The following USP6NL variants were observed in gnomAD, a reference collection of about 807,000 sequenced individuals.
USP6NL encodes the protein USP6 N-terminal like.
In USP6NL, 26 loss-of-function variants were observed where a neutral mutation model predicts 61.9. That is an observed-to-expected ratio of 0.42 (90% confidence interval 0.31 to 0.58). USP6NL has a LOEUF of 0.58. Ranked by LOEUF, USP6NL falls within the 20% of genes least tolerant of loss-of-function variation. USP6NL has a pLI of 0.16. For synonymous variants in USP6NL, 432 were observed against 390.1 expected, an observed-to-expected ratio of 1.11 and a Z score of -1.27; for missense variants, 1,114 against 1,034.3, an observed-to-expected ratio of 1.08 and a Z score of -1.06.
intron 2 of USP6NL, among the ~76,000 whole-genome samples, chr10:11,583,469 G>C (rs1186248380): frequency 6.6e-6 from 1 of 152,066 alleles, no homozygotes; most frequent in African/African-American, 2.4e-5. Flanking sequence ...GGGATTACAG[G>C]CGTGAGCCAC....
intron 1 of USP6NL, among the ~76,000 whole-genome samples, chr10:11,601,961 T>G (rs529980817): frequency 6.6e-6 from 1 of 152,108 alleles, no homozygotes; most frequent in Non-Finnish European, 1.5e-5. Flanking sequence ...AAGTTGCTAT[T>G]TAGTGAACTG....
At chr10:11,581,207 G>C (rs760576943) in intron 2 of USP6NL, among the ~76,000 whole-genome samples, 4 of 152,014 alleles carry the variant, frequency 2.6e-5, no homozygotes, top group Non-Finnish European at 5.9e-5. Flanking sequence ...ATCTGTCTTA[G>C]GTCCCACATA....
intron 5 of USP6NL, among the ~76,000 whole-genome samples, chr10:11,509,951 A>C (rs1241150465): frequency 6.6e-6 from 1 of 152,228 alleles, no homozygotes; most frequent in Non-Finnish European, 1.5e-5. Flanking sequence ...GTATTCTACA[A>C]ATTTAAACAA....
At chr10:11,576,827 C>T (rs1837563444) in intron 2 of USP6NL, among the ~76,000 whole-genome samples, 1 of 152,126 alleles carries the variant, frequency 6.6e-6, no homozygotes, top group Non-Finnish European at 1.5e-5. Flanking sequence ...GTCCTAGCTA[C>T]TTTTGGCTCT....
At position 11,463,511 on chromosome 10, in the gene USP6NL, T is replaced by C; in HGVS notation, c.1417A>G (p.Ser473Gly). 6.2e-7 allele frequency: 1 copy of C among 1,614,066 alleles called. No homozygotes were observed. The highest frequency in any genetic ancestry group is 8.5e-7 in the Non-Finnish European group (1 of 1,179,902). The part of the protein sequence containing the change: ...QYNHAAANQN[S>G]NATSNIRKEF... Reference sequence around the variant, plus strand: ...TTCCTGATATTTGAAGTGGCGTTGCTATTTTGGTTGGCAGCTGCGTGATTA... The same window carrying C: ...TTCCTGATATTTGAAGTGGCGTTGCCATTTTGGTTGGCAGCTGCGTGATTA... Residue 473 changes from serine to glycine, a missense_variant, in exon 15 of 15, where the codon AGC becomes GGC. Transcript: ENST00000609104. This position sits in a 1 kb window ranked among gnomAD's most constrained non-coding sequence, Gnocchi z 6.3.
At position 11,525,248 on chromosome 10, in the gene USP6NL, GA is replaced by G. The variant is rs1835369022; in HGVS notation, c.155+137del. Reference sequence around the variant, plus strand: ...CACAGAGTTGTTAAAAGAAACCTAGGAATTTAGTATCAAAACGCATATTGTA... The same window carrying G: ...CACAGAGTTGTTAAAAGAAACCTAGGATTTAGTATCAAAACGCATATTGTA... On this transcript the variant is annotated intron_variant, in intron 4 of 14. Transcript: ENST00000609104. The surrounding 1 kb of genome is among the most constrained non-coding windows in gnomAD (Gnocchi z 5.0). 1.7e-6 allele frequency: 1 copy of G among 592,956 alleles called. No homozygotes were observed. The highest frequency in any genetic ancestry group is 4.0e-5 in the Admixed American group (1 of 25,010). 36.7% of individuals were successfully genotyped at this position (592,956 alleles called of 1,614,324 possible).
In USP6NL at chr10:11,551,155, T is replaced by C. The variant is rs571991685; in HGVS notation, c.5-23588A>G. The stretch of plus-strand genomic sequence containing the variant: ...TATCTACGCAAAAGAAACAAAAACA[T>C]TTATTTATAAAAATTTTTATGTGAA... On this transcript the variant is annotated intron_variant, in intron 2 of 14. Transcript: ENST00000609104. Among the ~76,000 whole-genome samples the C allele has an allele frequency of 1.4e-4, 22 of 152,246 alleles. No individual in the cohort carries two copies. The East Asian group carries it at 4.0e-3, about 28-fold the overall frequency.
At chr10:11,594,227 T>G (rs1838248341) in intron 2 of USP6NL, among the ~76,000 whole-genome samples, 1 of 152,116 alleles carries the variant, frequency 6.6e-6, no homozygotes, top group Admixed American at 6.5e-5. Flanking sequence ...GGTACAGTAG[T>G]CTACTAAGGA....
rs1263036558 is a variant in USP6NL at position 11,597,620 on chromosome 10, A to C, written c.4+11T>G. 6.4e-7 allele frequency: 1 copy of C among 1,551,492 alleles called. No homozygotes were observed. Among genetic ancestry groups the C allele is most frequent in the African/African-American group, 1.4e-5 (1 of 73,046 alleles). On this transcript the variant is annotated intron_variant, in intron 2 of 14. Coordinates refer to ENST00000609104, the MANE Select transcript of USP6NL (RefSeq NM_014688.5). This position sits in a 1 kb window ranked among gnomAD's most constrained non-coding sequence, Gnocchi z 4.6. ...TGAGATGGCTGGAAGGAAAGGAAGC[A>C]GCGCACTTACTCATGACTGGAAATG...
chr10:11,531,169 G>GA (rs1835641615), intron 2 of USP6NL, among the ~76,000 whole-genome samples: 2 of 152,122 alleles, frequency 1.3e-5, no homozygotes, highest in African/African-American at 2.4e-5. Flanking sequence ...AGTTTATTTG[G>GA]AAAAATGTGG....
intron 1 of USP6NL, among the ~76,000 whole-genome samples, chr10:11,604,839 T>G (rs555773566): frequency 6.6e-6 from 1 of 152,258 alleles, no homozygotes; most frequent in African/African-American, 2.4e-5. Context: ...AAATAATAAC[T>G]AATAAAATAA....
chr10:11,551,390 T>G (rs1237061824), intron 2 of USP6NL, among the ~76,000 whole-genome samples: 4 of 152,240 alleles, frequency 2.6e-5, no homozygotes, highest in African/African-American at 9.6e-5. Flanking sequence ...AGAAAATGTA[T>G]GTTTGTTTAC....
intron 2 of USP6NL, among the ~76,000 whole-genome samples, chr10:11,530,017 G>A (rs753191211): frequency 3.2e-4 from 48 of 150,088 alleles, no homozygotes; most frequent in Non-Finnish European, 4.9e-4. Flanking sequence ...CAGGAGAATC[G>A]CTTGAGGCCG....
At position 11,474,935 on chromosome 10, in the gene USP6NL, T is replaced by C. The variant is rs1243780090; in HGVS notation, c.1078+6835A>G. On this transcript the variant is annotated intron_variant, in intron 14 of 14. Coordinates refer to ENST00000609104, the MANE Select transcript of USP6NL (RefSeq NM_014688.5). This position sits in a 1 kb window ranked among gnomAD's most constrained non-coding sequence, Gnocchi z 4.9. ...ACTAAGGAGTGTGGATGTTCTCCCG[T>C]AAGCACTGAAGTACCCCGAAGGCTA... Among the ~76,000 whole-genome samples the C allele has an allele frequency of 6.6e-6, 1 of 152,196 alleles. No individual in the cohort carries two copies. Among genetic ancestry groups the C allele is most frequent in the Non-Finnish European group, 1.5e-5 (1 of 68,024 alleles).
At chr10:11,579,777 C>T (rs1245517379) in intron 2 of USP6NL, among the ~76,000 whole-genome samples, 4 of 148,080 alleles carry the variant, frequency 2.7e-5, no homozygotes, top group Non-Finnish European at 6.0e-5. Flanking sequence ...TAGACTAGAT[C>T]TACAGTCTGC....
chr10:11,549,993 C>T (rs558414589), intron 2 of USP6NL, among the ~76,000 whole-genome samples: 63 of 152,306 alleles, frequency 4.1e-4, no homozygotes, highest in African/African-American at 1.5e-3. Flanking sequence ...AGCAAGATTT[C>T]ATAGGCTCAA....
intron 8 of USP6NL, among the ~76,000 whole-genome samples, chr10:11,492,740 T>C (rs552614720): frequency 5.9e-5 from 9 of 152,366 alleles, no homozygotes; most frequent in African/African-American, 1.2e-4. Context: ...TAATTTCTCA[T>C]TTCATGTCCC....
At chr10:11,560,355 G>A (rs1056058060) in intron 2 of USP6NL, among the ~76,000 whole-genome samples, 2 of 151,958 alleles carry the variant, frequency 1.3e-5, no homozygotes, top group Admixed American at 6.6e-5. Context: ...GGTACAGGAC[G>A]GCACCAAGAT....
rs535050884 is a variant in USP6NL, at chr10:11,485,526, A to C, written c.759+291T>G. ...GACCCTGAAAAAATATTTTTTGTAC[A>C]ATGAAAAAACCTCCAAAACAACTGG... On this transcript the variant is annotated intron_variant, in intron 11 of 14. Transcript: ENST00000609104. This position sits in a 1 kb window ranked among gnomAD's most constrained non-coding sequence, Gnocchi z 4.8. Among the ~76,000 whole-genome samples, 1 of 152,308 alleles carries C rather than the reference A, an allele frequency of 6.6e-6. No homozygotes were observed. The highest frequency in any genetic ancestry group is 2.1e-4 in the South Asian group (1 of 4,832).
Sources: gnomAD v4.1 joint callset for allele counts (sites outside exome capture counted in the v4.1 genomes callset) on GRCh38, gnomAD v4.1.1 for gene constraint, Gnocchi (gnomAD v3.1) non-coding constraint, MANE v1.5 for transcripts, NCBI Gene and HGNC (gene_info 2026-07-23, HGNC 2026-07-21) for gene names.